Variants in SETBP1 observed in about 807,000 individuals in gnomAD.
The protein encoded by SETBP1 is SET-binding protein.
Under a neutral mutation model 101.0 loss-of-function variants are expected in SETBP1, and 9 were observed. The ratio of observed to expected loss-of-function variants is 0.09; its 90% confidence interval spans 0.05 to 0.16. The LOEUF is 0.16. Among genes scored for constraint, SETBP1 ranks in the 10% least tolerant of loss-of-function variants. SETBP1 has a pLI of 1.00. For missense variants in SETBP1, 1,858 were observed against 2,033.8 expected (o/e 0.91, Z 1.66); for synonymous variants, 818 against 788.5 (o/e 1.04, Z -0.63).
At position 44,969,609 on chromosome 18, in the gene SETBP1, G is replaced by A. The variant is rs533278716; in HGVS notation, c.4000+16269G>A. On this transcript the variant is annotated intron_variant, in intron 4 of 5. Coordinates refer to ENST00000649279, the MANE Select transcript of SETBP1 (RefSeq NM_015559.3). Reference sequence around the variant, plus strand: ...AGAAACAGCCCCAAGAAAAGCAGGCGCACTTCCATGGCTAGGTTCTAGGTT... The same window carrying A: ...AGAAACAGCCCCAAGAAAAGCAGGCACACTTCCATGGCTAGGTTCTAGGTT... 5.3e-5 allele frequency among the ~76,000 whole-genome samples: 8 copies of A among 152,248 alleles called. No homozygotes were observed. The East Asian group carries it at 1.4e-3, about 26-fold the overall frequency.
chr18:44,946,384 T>G (rs1396440509), intron 3 of SETBP1, among the ~76,000 whole-genome samples: 2 of 152,198 alleles, frequency 1.3e-5, no homozygotes, highest in Non-Finnish European at 2.9e-5. Context: ...AGGCCCCACC[T>G]TTCAACTGCT....
chr18:44,684,487 A>G (rs2068805647), intron 1 of SETBP1, among the ~76,000 whole-genome samples: 1 of 151,846 alleles, frequency 6.6e-6, no homozygotes, highest in African/African-American at 2.4e-5. Flanking sequence ...AAGGTTTTGG[A>G]GGACTGTAAT....
At chr18:44,697,537 C>T (rs975241185) in intron 1 of SETBP1, among the ~76,000 whole-genome samples, 5 of 152,118 alleles carry the variant, frequency 3.3e-5, no homozygotes, top group Admixed American at 1.3e-4. Flanking sequence ...TGTCAGAGGG[C>T]GAAGCCATTT....
chr18:45,001,222 C>T (rs2072611985), intron 4 of SETBP1, among the ~76,000 whole-genome samples: 2 of 152,126 alleles, frequency 1.3e-5, no homozygotes, highest in South Asian at 4.1e-4. Flanking sequence ...TTGAGTAAGA[C>T]ATTTTTGGTA....
intron 3 of SETBP1, among the ~76,000 whole-genome samples, chr18:44,898,527 G>A (rs687781): frequency 0.47 from 71,639 of 151,918 alleles, 16,862 homozygotes; most frequent in African/African-American, 0.49. Context: ...ATTTTCAAAT[G>A]CTAGCTGGAA....
chr18:44,876,641 C>A, intron 3 of SETBP1: 1 of 1,551,486 alleles, frequency 6.4e-7, no homozygotes, highest in Non-Finnish European at 8.7e-7. Context: ...CAATTCCTGT[C>A]CCAGGAACGT....
At chr18:44,955,017 C>T (rs1277224650) in intron 4 of SETBP1, among the ~76,000 whole-genome samples, 1 of 152,136 alleles carries the variant, frequency 6.6e-6, no homozygotes, top group Non-Finnish European at 1.5e-5. Flanking sequence ...TGTTAAGAAC[C>T]TACACGCAAA....
intron 3 of SETBP1, among the ~76,000 whole-genome samples, chr18:44,885,489 A>G (rs986197142): frequency 6.6e-6 from 1 of 152,080 alleles, no homozygotes; most frequent in African/African-American, 2.4e-5. Context: ...CTGTACCGCA[A>G]TCACTAAGGT....
intron 3 of SETBP1, among the ~76,000 whole-genome samples, chr18:44,882,045 G>A (rs373251990): frequency 3.3e-5 from 5 of 152,198 alleles, no homozygotes; most frequent in East Asian, 3.9e-4. Context: ...ATGGGGGTGC[G>A]GGGGTTTTCA....
chr18:44,728,943 T>G (rs2069772608), intron 2 of SETBP1, among the ~76,000 whole-genome samples: 1 of 152,240 alleles, frequency 6.6e-6, no homozygotes, highest in African/African-American at 2.4e-5. Context: ...TAACTAGTGC[T>G]TATTGAATCC....
At chr18:44,889,545 T>A (rs2069722324) in intron 3 of SETBP1, among the ~76,000 whole-genome samples, 1 of 152,118 alleles carries the variant, frequency 6.6e-6, no homozygotes, top group Admixed American at 6.6e-5. Flanking sequence ...CTCAGAGCGT[T>A]GCTAAGGGAG....
At chr18:44,980,588 A>G (rs2072092922) in intron 4 of SETBP1, among the ~76,000 whole-genome samples, 1 of 152,122 alleles carries the variant, frequency 6.6e-6, no homozygotes, top group African/African-American at 2.4e-5. Flanking sequence ...TCTCTTACAA[A>G]CGGAAACTTT....
intron 5 of SETBP1, among the ~76,000 whole-genome samples, chr18:45,060,423 T>G (rs1420602041): frequency 6.6e-6 from 1 of 152,088 alleles, no homozygotes; most frequent in Non-Finnish European, 1.5e-5. Flanking sequence ...ATTTTTAATT[T>G]TTACCAACAT....
intron 2 of SETBP1, among the ~76,000 whole-genome samples, chr18:44,722,178 T>C (rs2069614516): frequency 1.3e-5 from 2 of 152,330 alleles, no homozygotes; most frequent in East Asian, 1.9e-4. Flanking sequence ...AGCATTGGTA[T>C]GACATTGACA....
rs552626041 is a variant in SETBP1, at chr18:44,898,657, C to T, written c.540+29374C>T. Among the ~76,000 whole-genome samples, 10 of 152,246 alleles carry T rather than the reference C, an allele frequency of 6.6e-5. No individual in the cohort carries two copies. In the South Asian group the frequency reaches 2.1e-3, roughly 32 times the overall value. On this transcript the variant is annotated intron_variant, in intron 3 of 5. Transcript: ENST00000649279. Reference sequence around the variant, plus strand: ...TGAAAGGGCTTCGAGTTCTACTGTACAGTCTTGCCAAGCAGAGTTTGGAGC... The same window carrying T: ...TGAAAGGGCTTCGAGTTCTACTGTATAGTCTTGCCAAGCAGAGTTTGGAGC...
chr18:45,002,765 T>C (rs1179757606), intron 4 of SETBP1, among the ~76,000 whole-genome samples: 1 of 152,220 alleles, frequency 6.6e-6, no homozygotes, highest in Non-Finnish European at 1.5e-5. Flanking sequence ...ATTGAGATTG[T>C]TTTCTTTATA....
chr18:44,995,300 C>T (rs942522418), intron 4 of SETBP1, among the ~76,000 whole-genome samples: 7 of 151,888 alleles, frequency 4.6e-5, no homozygotes, highest in African/African-American at 1.5e-4. Flanking sequence ...TGCCACCATG[C>T]CCGACTAATT....
chr18:44,869,456 A>T, intron 3 of SETBP1, 173 bp downstream of exon 3: 1 of 688,338 alleles, frequency 1.5e-6, no homozygotes, highest in Non-Finnish European at 2.6e-6. Context: ...AGCTCCTCTC[A>T]TTCTAGCATG....
At chr18:44,995,917 G>T (rs1357602250) in intron 4 of SETBP1, among the ~76,000 whole-genome samples, 1 of 152,162 alleles carries the variant, frequency 6.6e-6, no homozygotes. Context: ...TTACAATGGG[G>T]CTTGTTTCCA....
Sources: allele counts gnomAD v4.1 joint callset (sites outside exome capture counted in the v4.1 genomes callset), GRCh38; gene constraint gnomAD v4.1.1; transcripts MANE v1.5; gene names NCBI Gene and HGNC (gene_info 2026-07-23, HGNC 2026-07-21).